Variants in DHX9 observed in about 807,000 individuals in gnomAD.
DHX9 encodes DExH-box helicase 9, also known as ATP-dependent RNA helicase A.
In DHX9, 27 loss-of-function variants were observed where a neutral mutation model predicts 148.7. The observed-to-expected ratio is 0.18, with a 90% CI of 0.13 to 0.25. DHX9 has a LOEUF of 0.25. Ranked by LOEUF, DHX9 falls within the 10% of genes least tolerant of loss-of-function variation. The pLI is 1.00. For synonymous variants in DHX9, 529 were observed against 516.6 expected, an observed-to-expected ratio of 1.02 and a Z score of -0.33; for missense variants, 796 against 1,559.6, an observed-to-expected ratio of 0.51 and a Z score of 8.25.
Position 182,883,382 on chromosome 1 carries a change from A to G in DHX9, c.3144+14A>G. On this transcript the variant is annotated intron_variant, in intron 25 of 27. Coordinates refer to ENST00000367549, the MANE Select transcript of DHX9 (RefSeq NM_001357.5). ...TTTGGTGAAAAGGTAAGAAAAGACT[A>G]GAAAAGTTTACATTGAAAGTTGAAA... is the stretch of plus-strand genomic sequence containing the variant. 3.1e-6 allele frequency: 5 copies of G among 1,607,602 alleles called. No individual in the cohort carries two copies. The highest frequency in any genetic ancestry group is 1.1e-5 in the South Asian group (1 of 90,660).
rs746222362 is a variant in DHX9 at position 182,842,575 on chromosome 1, C to T, written c.9C>T (p.Asp3=). Reference sequence around the variant, plus strand: ...AAGAAGACACTTGAATCATGGGTGACGTTAAAAATTTTCTGTATGCCTGGT... The same window carrying T: ...AAGAAGACACTTGAATCATGGGTGATGTTAAAAATTTTCTGTATGCCTGGT... MG[D]VKNFLYAWCG... The change falls in exon 2 of 28, where the codon GAC becomes GAT. Residue 3 remains aspartate (D), a synonymous_variant. Transcript: ENST00000367549. 5.1e-5 allele frequency: 83 copies of T among 1,611,878 alleles called. No homozygotes were observed. In the East Asian group the frequency reaches 1.3e-3, roughly 26 times the overall value.
At chr1:182,868,488 A>T (rs1359130836) in intron 14 of DHX9, among the ~76,000 whole-genome samples, 1 of 148,800 alleles carries the variant, frequency 6.7e-6, no homozygotes, top group Non-Finnish European at 1.5e-5. Context: ...TGGATTTTAG[A>T]TCTCATGATA....
intron 24 of DHX9, 85 bp downstream of exon 24, chr1:182,881,732 C>G: frequency 7.2e-7 from 1 of 1,390,520 alleles, no homozygotes; most frequent in Non-Finnish European, 9.7e-7. Flanking sequence ...ATTTTAGTTT[C>G]AAATTTTAGA....
rs144488172 is a variant in DHX9, at chr1:182,869,489, G to T, written c.1557+2446G>T. Reference sequence around the variant, plus strand: ...GTCTTACCCGGTTTGCTGCGGTTTGGTCTGGTCTTGTCTGGTCCTGACAGG... The same window carrying T: ...GTCTTACCCGGTTTGCTGCGGTTTGTTCTGGTCTTGTCTGGTCCTGACAGG... On this transcript the variant is annotated intron_variant, in intron 14 of 27. Coordinates refer to ENST00000367549, the MANE Select transcript of DHX9 (RefSeq NM_001357.5). Among the ~76,000 whole-genome samples the T allele has an allele frequency of 4.5e-3, 686 of 151,850 alleles. 7 individuals are homozygous for T. Among genetic ancestry groups the T allele is most frequent in the African/African-American group, 0.016 (658 of 41,368 alleles).
intron 12 of DHX9, among the ~76,000 whole-genome samples, chr1:182,861,028 C>T (rs1056866120): frequency 6.6e-6 from 1 of 152,194 alleles, no homozygotes; most frequent in Non-Finnish European, 1.5e-5. Flanking sequence ...AGGAGAGTTA[C>T]AAACTTTGAA....
intron 3 of DHX9, among the ~76,000 whole-genome samples, chr1:182,847,662 C>G (rs957848298): frequency 1.3e-5 from 2 of 152,148 alleles, no homozygotes; most frequent in African/African-American, 4.8e-5. Flanking sequence ...TCCCTGAACT[C>G]TAATTCTGAT....
rs200704202 is a variant in DHX9, at chr1:182,872,504, G to A, written c.1714+11G>A. 395 of 1,611,084 alleles carry A rather than the reference G, an allele frequency of 2.5e-4. 3 individuals are homozygous for A. Among genetic ancestry groups the A allele is most frequent in the Non-Finnish European group, 4.0e-5 (47 of 1,178,732 alleles). ...CTTACCCAGTTCAAGGTAATATTGT[G>A]GGGGTGGTATAGGAACATCTTTTGT... On this transcript the variant is annotated intron_variant, in intron 15 of 27. Transcript: ENST00000367549.
rs892393695 is a variant in DHX9 at position 182,883,319 on chromosome 1, G to C, written c.3095G>C (p.Ser1032Thr). The C allele has an allele frequency of 6.2e-7, 1 of 1,614,052 alleles. No individual in the cohort carries two copies. Among genetic ancestry groups the C allele is most frequent in the Non-Finnish European group, 8.5e-7 (1 of 1,180,030 alleles). Residue 1032 changes from serine to threonine, a missense_variant, in exon 25 of 28, where the codon AGT becomes ACT. Ser to Thr is a moderately conservative substitution (Grantham distance 58). This residue lies in a region of DHX9 where 14 missense variants were observed against 87.5 expected (regional missense o/e 0.16). Coordinates refer to ENST00000367549, the MANE Select transcript of DHX9 (RefSeq NM_001357.5). ...IHKSSVNCPFSSQDMKYPSPF... is the reference protein window; with the variant it reads ...IHKSSVNCPFTSQDMKYPSPF... ...AAATCATCTGTTAATTGTCCTTTTA[G>C]TAGCCAAGACATGAAGTACCCATCT... is the stretch of plus-strand genomic sequence containing the variant.
chr1:182,866,232 A>G (rs1648290224), intron 12 of DHX9, among the ~76,000 whole-genome samples: 2 of 152,350 alleles, frequency 1.3e-5, no homozygotes, highest in Admixed American at 1.3e-4. Context: ...GTTGGCGGCA[A>G]TGACAAATTA....
intron 5 of DHX9, 81 bp downstream of exon 5, chr1:182,853,499 C>T: frequency 9.6e-7 from 1 of 1,037,760 alleles, no homozygotes; most frequent in Non-Finnish European, 1.4e-6. Flanking sequence ...TTAGGATATT[C>T]ACAAGTTAAT....
chr1:182,882,505 AAT>A (rs1229840409), intron 24 of DHX9, among the ~76,000 whole-genome samples: 2 of 152,156 alleles, frequency 1.3e-5, no homozygotes, highest in Non-Finnish European at 2.9e-5. Context: ...GTAGCAGATA[AAT>A]ACTTTGTGGT....
Position 182,858,531 on chromosome 1 carries a change from G to A in DHX9, c.811-20G>A. The A allele has an allele frequency of 1.3e-6, 2 of 1,589,252 alleles. No individual in the cohort carries two copies. Among genetic ancestry groups the A allele is most frequent in the Non-Finnish European group, 1.7e-6 (2 of 1,163,548 alleles). On this transcript the variant is annotated intron_variant, in intron 8 of 27. Coordinates refer to ENST00000367549, the MANE Select transcript of DHX9 (RefSeq NM_001357.5). ...AGTAGATTTGAGTAGTGTTGTTAAT[G>A]TGTGATCCTTTTTCCATAGGTGGAG...
At chr1:182,843,666 C>T (rs561997016) in intron 3 of DHX9, among the ~76,000 whole-genome samples, 1 of 152,136 alleles carries the variant, frequency 6.6e-6, no homozygotes, top group Non-Finnish European at 1.5e-5. Context: ...ATCTTTGTGT[C>T]TTATGGCTTT....
intron 7 of DHX9, among the ~76,000 whole-genome samples, chr1:182,856,893 A>C (rs905981640): frequency 6.6e-5 from 10 of 152,202 alleles, no homozygotes; most frequent in Non-Finnish European, 1.5e-4. Flanking sequence ...TCTGTCGCCC[A>C]GGCTGGAGTG....
At chr1:182,869,151 C>T (rs1648431073) in intron 14 of DHX9, among the ~76,000 whole-genome samples, 1 of 152,180 alleles carries the variant, frequency 6.6e-6, no homozygotes, top group African/African-American at 2.4e-5. Flanking sequence ...GGGCCAGGCA[C>T]AGTGGCTCAC....
chr1:182,878,221 T>TTTA (rs1648911937), intron 20 of DHX9, 48 bp downstream of exon 20: 1 of 1,601,824 alleles, frequency 6.2e-7, no homozygotes, highest in East Asian at 2.2e-5. Flanking sequence ...TTCTGTTCTC[T>TTTA]GTAGGGACAG....
intron 3 of DHX9, among the ~76,000 whole-genome samples, chr1:182,848,850 G>A (rs1177656128): frequency 6.6e-6 from 1 of 152,178 alleles, no homozygotes; most frequent in Non-Finnish European, 1.5e-5. Context: ...GTCCTACATA[G>A]CAGGAGCAAG....
At chr1:182,842,148 A>G (rs953198961) in intron 1 of DHX9, among the ~76,000 whole-genome samples, 7 of 152,220 alleles carry the variant, frequency 4.6e-5, no homozygotes, top group Non-Finnish European at 8.8e-5. Flanking sequence ...TGAAAAGACA[A>G]TGATAGTACC....
In DHX9 at chr1:182,844,375, T is replaced by A. The variant is rs143800409; in HGVS notation, c.252+941T>A. On this transcript the variant is annotated intron_variant, in intron 3 of 27. Transcript: ENST00000367549. ...AAATACCTCTGTCTAGTAGGTTGTT[T>A]TGGGGGATTTTTGTTTTGTTTTTCT... 3.9e-5 allele frequency among the ~76,000 whole-genome samples: 6 copies of A among 152,314 alleles called. No individual in the cohort carries two copies. In the East Asian group the frequency reaches 9.6e-4, roughly 24 times the overall value.
Sources: gnomAD v4.1 joint callset for allele counts (sites outside exome capture counted in the v4.1 genomes callset) on GRCh38, gnomAD v4.1.1 for gene constraint, gnomAD v4.1.1 regional missense constraint, MANE v1.5 for transcripts, NCBI Gene and HGNC (gene_info 2026-07-23, HGNC 2026-07-21) for gene names.